Variants in TRPM6 observed in about 807,000 individuals in gnomAD.
TRPM6 encodes transient receptor potential cation channel subfamily M member 6.
TRPM6 carries 111 observed loss-of-function variants against 247.6 expected under a neutral mutation model. The ratio of observed to expected loss-of-function variants is 0.45; its 90% CI spans 0.38 to 0.52. The LOEUF is 0.52. Among genes scored for constraint, TRPM6 ranks in the 20% least tolerant of loss-of-function variants. The pLI is 0.00. For missense variants in TRPM6, 2,126 were observed against 2,421.5 expected (o/e 0.88, Z 2.56); for synonymous variants, 892 against 853.8 (o/e 1.04, Z -0.78).
intron 20 of TRPM6, 89 bp from the exon 21 acceptor site, chr9:74,786,214 T>C: frequency 6.8e-7 from 1 of 1,465,266 alleles, no homozygotes; most frequent in East Asian, 2.3e-5. Context: ...AACCATTCAC[T>C]GAAAGAGTAA....
At chr9:74,857,105 T>G (rs1256714930) in intron 2 of TRPM6, among the ~76,000 whole-genome samples, 1 of 152,182 alleles carries the variant, frequency 6.6e-6, no homozygotes, top group African/African-American at 2.4e-5. Flanking sequence ...TGAATCAACT[T>G]GCATTCCATT....
intron 3 of TRPM6, among the ~76,000 whole-genome samples, chr9:74,846,016 C>G (rs576408187): frequency 6.6e-6 from 1 of 151,804 alleles, no homozygotes; most frequent in African/African-American, 2.4e-5. Context: ...AATATCCTCC[C>G]TAGGAAATCA....
intron 31 of TRPM6, among the ~76,000 whole-genome samples, chr9:74,745,406 T>G (rs1194622626): frequency 6.6e-6 from 1 of 152,026 alleles, no homozygotes; most frequent in African/African-American, 2.4e-5. Flanking sequence ...TCCATTCTAG[T>G]AAAAGGAAAT....
At chr9:74,876,510 A>T (rs1403968312) in intron 1 of TRPM6, among the ~76,000 whole-genome samples, 2 of 152,232 alleles carry the variant, frequency 1.3e-5, no homozygotes, top group African/African-American at 4.8e-5. Context: ...ATGAAAGAGG[A>T]TACTGAATCT....
intron 2 of TRPM6, among the ~76,000 whole-genome samples, chr9:74,858,295 G>A (rs1830589363): frequency 1.3e-5 from 2 of 152,238 alleles, no homozygotes; most frequent in South Asian, 4.1e-4. Context: ...GTTGAGGCAG[G>A]AGAATCACTT....
rs1564016891 is a variant in TRPM6 at position 74,792,616 on chromosome 9, A to C, written c.2538+8T>G. ...TAATCCGACATATATTGTTGCAATG[A>C]GACCAACCGTATAAAACCAAAACTT... On this transcript the variant is annotated splice_region_variant and intron_variant, in intron 19 of 38. Transcript: ENST00000360774. 1.2e-6 allele frequency: 2 copies of C among 1,613,586 alleles called. No individual in the cohort carries two copies. Among genetic ancestry groups the C allele is most frequent in the South Asian group, 1.1e-5 (1 of 91,062 alleles).
chr9:74,741,425 T>C (rs1395635579), intron 33 of TRPM6, among the ~76,000 whole-genome samples: 1 of 152,022 alleles, frequency 6.6e-6, no homozygotes, highest in Non-Finnish European at 1.5e-5. Flanking sequence ...AATAAACACA[T>C]CTAGGTAATG....
intron 25 of TRPM6, among the ~76,000 whole-genome samples, chr9:74,764,080 C>T (rs531879128): frequency 8.0e-5 from 12 of 149,936 alleles, no homozygotes; most frequent in Admixed American, 5.3e-4. Flanking sequence ...GCCAAGATCA[C>T]GCCACTGCAC....
chr9:74,813,384 G>T (rs966121038), intron 11 of TRPM6, among the ~76,000 whole-genome samples: 1 of 152,200 alleles, frequency 6.6e-6, no homozygotes, highest in Admixed American at 6.5e-5. Context: ...TTATACTACA[G>T]AATTCCAACA....
intron 28 of TRPM6, among the ~76,000 whole-genome samples, chr9:74,754,490 G>A (rs1826371038): frequency 6.6e-6 from 1 of 152,106 alleles, no homozygotes; most frequent in African/African-American, 2.4e-5. Context: ...CTTTAGTTAT[G>A]ACAACAAAAA....
chr9:74,881,414 C>A (rs1286008881), intron 1 of TRPM6, among the ~76,000 whole-genome samples: 2 of 151,896 alleles, frequency 1.3e-5, no homozygotes, highest in Admixed American at 1.3e-4. Context: ...CATATATGCA[C>A]CTAACAAAGC....
chr9:74,807,358 TCAA>T (rs1828560216), intron 14 of TRPM6, among the ~76,000 whole-genome samples: 1 of 152,164 alleles, frequency 6.6e-6, no homozygotes, highest in Non-Finnish European at 1.5e-5. Flanking sequence ...TTCTCTTCTC[TCAA>T]CAAAAATACC....
At chr9:74,750,411 G>T (rs1289947178) in intron 30 of TRPM6, among the ~76,000 whole-genome samples, 1 of 152,140 alleles carries the variant, frequency 6.6e-6, no homozygotes, top group East Asian at 1.9e-4. Flanking sequence ...ACACTGAAAA[G>T]GCAAATGTTT....
At chr9:74,871,713 G>A (rs542257946) in intron 1 of TRPM6, among the ~76,000 whole-genome samples, 71 of 152,016 alleles carry the variant, frequency 4.7e-4, no homozygotes, top group South Asian at 2.1e-3. Flanking sequence ...GATGACTTAC[G>A]AGCAACTTTT....
intron 17 of TRPM6, chr9:74,799,969 C>T: frequency 4.5e-6 from 2 of 448,118 alleles, no homozygotes; most frequent in South Asian, 4.3e-5. Flanking sequence ...ATCTGGCTGG[C>T]TAGGCAGGTG....
intron 13 of TRPM6, among the ~76,000 whole-genome samples, chr9:74,808,968 T>G (rs1477775845): frequency 6.6e-6 from 1 of 152,172 alleles, no homozygotes; most frequent in Non-Finnish European, 1.5e-5. Context: ...ACAGGATATA[T>G]TACAAGGGTA....
chr9:74,840,825 TC>T lies in TRPM6; in HGVS notation c.331-589del, dbSNP rs201390898. ...GCCTGGGTGACAGAGCAGGACTCTG[TC>T]TCAAAAAAAAAAAAAAAAAGAAAGA... On this transcript the variant is annotated intron_variant, in intron 4 of 38. Coordinates refer to ENST00000360774, the MANE Select transcript of TRPM6 (RefSeq NM_017662.5). Among the ~76,000 whole-genome samples the T allele has an allele frequency of 1.2e-3, 131 of 107,840 alleles. 8 individuals carry two copies. Among genetic ancestry groups the T allele is most frequent in the Middle Eastern group, 6.1e-3 (1 of 164 alleles). The allele number at this position is 107,840 out of a possible 152,430, so 70.7% of individuals were successfully genotyped here.
Position 74,723,504 on chromosome 9 carries a change from A to G in TRPM6, c.*1109T>C, listed in dbSNP as rs1384098892. 1 of 120,768 alleles carries G rather than the reference A, an allele frequency of 8.3e-6. No individual in the cohort carries two copies. The highest frequency in any genetic ancestry group is 8.3e-5 in the Admixed American group (1 of 12,064). 7.5% of individuals were successfully genotyped at this position (120,768 alleles called of 1,614,324 possible). A position where few individuals can be genotyped will look rare whatever the true frequency, so the allele number is the denominator to read the frequency against. ...GTTCTTCATATTCTTGTTCTCGTTTAAAAAAAAAAAAAAAAAGGCCAGGCG... is the reference window on the plus strand; with the variant it reads ...GTTCTTCATATTCTTGTTCTCGTTTGAAAAAAAAAAAAAAAAGGCCAGGCG... On this transcript the variant is annotated 3_prime_UTR_variant, in exon 39 of 39. Coordinates refer to ENST00000360774, the MANE Select transcript of TRPM6 (RefSeq NM_017662.5).
intron 25 of TRPM6, among the ~76,000 whole-genome samples, chr9:74,769,329 A>G (rs894428402): frequency 5.9e-5 from 9 of 151,882 alleles, no homozygotes; most frequent in Non-Finnish European, 1.5e-5. Context: ...TTGTATTTTT[A>G]GTAGAGACGG....
Sources: gnomAD v4.1 joint callset for allele counts (sites outside exome capture counted in the v4.1 genomes callset) on GRCh38, gnomAD v4.1.1 for gene constraint, MANE v1.5 for transcripts, NCBI Gene and HGNC (gene_info 2026-07-23, HGNC 2026-07-21) for gene names.